CCDC142: variants seen among roughly 807,000 people sequenced by gnomAD.
CCDC142 encodes the protein coiled-coil domain-containing protein 142.
CCDC142 carries 67 observed loss-of-function variants against 83.8 expected under a neutral mutation model. That is an observed-to-expected ratio of 0.80 (90% confidence interval 0.66 to 0.98). CCDC142 has a LOEUF of 0.98. Ranked by LOEUF, CCDC142 falls within the 50% of genes least tolerant of loss-of-function variation. The pLI is 0.00. For missense variants in CCDC142, 905 were observed against 946.8 expected, an observed-to-expected ratio of 0.96 and a Z score of 0.58; for synonymous variants, 421 against 421.2, an observed-to-expected ratio of 1.00 and a Z score of 0.01.
Position 74,475,340 on chromosome 2 carries a change from A to C in CCDC142, c.1681T>G (p.Leu561Val), listed in dbSNP as rs770396602. The C allele has an allele frequency of 9.9e-6, 16 of 1,613,294 alleles. No homozygotes were observed. The highest frequency in any genetic ancestry group is 1.4e-5 in the Non-Finnish European group (16 of 1,179,454). ...GGTGGCAACCCTTGCAATCCTTGCA[A>C]CACAGGCTCCAGTACGGTGCGGACC... ...LVVRTVLEPV[L>V]QGLQGLPPQA... is the part of the protein sequence containing the mutation. The change falls in exon 7 of 9, where the codon TTG becomes GTG. Residue 561 changes from leucine (L) to valine (V), a missense_variant. Leu to Val is a conservative substitution (Grantham distance 32). Around this residue, in one of 3 missense-constraint regions of CCDC142, gnomAD observed 265 missense variants for 288.9 expected, o/e 0.92. Transcript: ENST00000393965.
At position 74,475,643 on chromosome 2, in the gene CCDC142, C is replaced by A. The variant is rs769197727; in HGVS notation, c.1587G>T (p.Arg529=). Residue 529 remains arginine (R), a synonymous_variant, in exon 6 of 9, where the codon CGG becomes CGT. Transcript: ENST00000393965. ...AMQGFKLYMP[R]GRYWRLRLCP... is the part of the protein sequence containing the mutation. ...AGAGACGAAGCCGCCAGTACCGACC[C>A]CGTGGCATGTAGAGCTTGAAACCTT... 15 of 1,614,056 alleles carry A rather than the reference C, an allele frequency of 9.3e-6. No homozygotes were observed. The South Asian group carries it at 1.6e-4, about 18-fold the overall frequency.
chr2:74,482,207 CG>C lies in CCDC142; in HGVS notation c.630del (p.Ala211ProfsTer10). The C allele has an allele frequency of 3.7e-6, 6 of 1,613,610 alleles. No homozygotes were observed. The highest frequency in any genetic ancestry group is 5.1e-6 in the Non-Finnish European group (6 of 1,179,932). Reference sequence around the variant, plus strand: ...GCTTTTCTCTGTAGTGTGTGGTAGGCGGGAAGTGCAAAGAGCAGCTCGGCGA... The same window carrying C: ...GCTTTTCTCTGTAGTGTGTGGTAGGCGGAAGTGCAAAGAGCAGCTCGGCGA... ...SQLAELLFAL[P>X]AYHTLQRKAL... On this transcript the variant is annotated frameshift_variant, in exon 1 of 9. Coordinates refer to ENST00000393965, the MANE Select transcript of CCDC142 (RefSeq NM_001365575.2). LOFTEE classifies it high-confidence loss of function. The surrounding 1 kb of genome is among the most constrained non-coding windows in gnomAD (Gnocchi z 5.0).
chr2:74,475,767 A>T, intron 5 of CCDC142, 41 bp from the exon 6 acceptor site: 1 of 1,235,050 alleles, frequency 8.1e-7, no homozygotes, highest in Non-Finnish European at 1.2e-6. Context: ...TTGTCAAATT[A>T]TGATGATCCT....
Position 74,482,907 on chromosome 2 carries a change from G to C in CCDC142, c.-70C>G. On this transcript the variant is annotated 5_prime_UTR_variant, in exon 1 of 9. Transcript: ENST00000393965. The surrounding 1 kb of genome is among the most constrained non-coding windows in gnomAD (Gnocchi z 5.0). Reference sequence around the variant, plus strand: ...CACGGACCAACGCCCGCCGCAGCTCGGACTTCGCCCCATCGCAAGAGCCGT... The same window carrying C: ...CACGGACCAACGCCCGCCGCAGCTCCGACTTCGCCCCATCGCAAGAGCCGT... 1 of 1,566,660 alleles carries C rather than the reference G, an allele frequency of 6.4e-7. No individual in the cohort carries two copies. Among genetic ancestry groups the C allele is most frequent in the Non-Finnish European group, 8.6e-7 (1 of 1,158,200 alleles).
chr2:74,482,038 C>G lies in CCDC142; in HGVS notation c.800G>C (p.Arg267Pro). ...TAGCAGATCCCCCTCCTCTTGGCAC[C>G]GCCTGCGGAGCTGGTCCCTCAACGC... ...GSALRDQLRR[R>P]CQEEGDLLPG... Residue 267 changes from arginine (R) to proline (P), a missense_variant, in exon 1 of 9, where the codon CGG becomes CCG. Arg to Pro is a moderately radical substitution (Grantham distance 103, BLOSUM62 -2). Transcript: ENST00000393965. This position sits in a 1 kb window ranked among gnomAD's most constrained non-coding sequence, Gnocchi z 5.0. 1.2e-6 allele frequency: 2 copies of G among 1,613,648 alleles called. No individual in the cohort carries two copies. Among genetic ancestry groups the G allele is most frequent in the Non-Finnish European group, 1.7e-6 (2 of 1,179,980 alleles).
At chr2:74,481,780 C>A in intron 1 of CCDC142, 37 bp downstream of exon 1, 1 of 1,580,864 alleles carries the variant, frequency 6.3e-7, no homozygotes, top group South Asian at 1.2e-5. Flanking sequence ...GAAGAGACCC[C>A]AGCCTTCCCA....
intron 5 of CCDC142, 45 bp downstream of exon 5, chr2:74,480,724 G>T: frequency 7.2e-7 from 1 of 1,398,112 alleles, no homozygotes; most frequent in Non-Finnish European, 1.0e-6. Flanking sequence ...ACTTGGCACA[G>T]AACATAGGGT....
rs763818173 is a variant in CCDC142 at position 74,475,108 on chromosome 2, C to T, written c.1804G>A (p.Gly602Arg). Reference protein sequence around the residue: ...LTHGIRFSLQGALQLKQDFGV... With the variant: ...LTHGIRFSLQRALQLKQDFGV... ...AAGTCTTGTTTGAGCTGCAGCGCTC[C>T]CTGCAGGCTGAAGGCAGAGGTACAG... The change falls in exon 8 of 9, where the codon GGA becomes AGA. Residue 602 changes from glycine to arginine, a missense_variant. Gly to Arg is a moderately radical substitution (Grantham distance 125, BLOSUM62 -2). Around this residue, in one of 3 missense-constraint regions of CCDC142, gnomAD observed 265 missense variants for 288.9 expected, o/e 0.92. Transcript: ENST00000393965. 6.8e-6 allele frequency: 11 copies of T among 1,610,398 alleles called. No homozygotes were observed. In the South Asian group the frequency reaches 9.9e-5, roughly 15 times the overall value.
rs13403485 is a variant in CCDC142, at chr2:74,473,063, A to T, written c.*1483T>A. 1 of 254,408 alleles carries T rather than the reference A, an allele frequency of 3.9e-6. No homozygotes were observed. The highest frequency in any genetic ancestry group is 2.3e-5 in the African/African-American group (1 of 43,446). The allele number at this position is 254,408 out of a possible 1,614,324, so 15.8% of individuals were successfully genotyped here. The stretch of plus-strand genomic sequence containing the variant: ...TCTTCCAAAGAGAGAGCACTAACAC[A>T]AGCCGGGATGATCCACACCAGAAGG... On this transcript the variant is annotated 3_prime_UTR_variant, in exon 9 of 9. Coordinates refer to ENST00000393965, the MANE Select transcript of CCDC142 (RefSeq NM_001365575.2).
rs1672427859 is a variant in CCDC142 at position 74,481,019 on chromosome 2, A to G, written c.1326T>C (p.Ala442=). ...GGTCCCATGCTGCCAAGTACTGCTG[A>G]GCTCTGCCCAGGAACCAGAGCAAGG... ...QTTLLWFLGR[A]QQYLAAWDPA... is the part of the protein sequence containing the mutation. The change falls in exon 4 of 9, where the codon GCT becomes GCC. Residue 442 remains alanine, a synonymous_variant. Transcript: ENST00000393965. 1 of 1,614,118 alleles carries G rather than the reference A, an allele frequency of 6.2e-7. No individual in the cohort carries two copies. Among genetic ancestry groups the G allele is most frequent in the Non-Finnish European group, 8.5e-7 (1 of 1,180,036 alleles).
At chr2:74,478,722 AT>A (rs1295375688) in intron 5 of CCDC142, among the ~76,000 whole-genome samples, 6 of 151,472 alleles carry the variant, frequency 4.0e-5, no homozygotes, top group South Asian at 2.1e-4. Context: ...AAAAAAAAAA[AT>A]TTTTTTAAGT....
chr2:74,476,774 A>T (rs531692095), intron 5 of CCDC142, among the ~76,000 whole-genome samples: 2 of 152,260 alleles, frequency 1.3e-5, no homozygotes, highest in South Asian at 4.1e-4. Context: ...AGGGAGAGGA[A>T]CCCCAGTAAA....
Position 74,481,546 on chromosome 2 carries a change from G to A in CCDC142, c.1022-8C>T, listed in dbSNP as rs778578975. On this transcript the variant is annotated splice_polypyrimidine_tract_variant and splice_region_variant and intron_variant, in intron 1 of 8. Coordinates refer to ENST00000393965, the MANE Select transcript of CCDC142 (RefSeq NM_001365575.2). ...ACTCCTGAGGCAGGGATGCTAGTGGGAGAAATGACTCTGGGGCCTGAAAAC... is the reference window on the plus strand; with the variant it reads ...ACTCCTGAGGCAGGGATGCTAGTGGAAGAAATGACTCTGGGGCCTGAAAAC... 1 of 1,613,606 alleles carries A rather than the reference G, an allele frequency of 6.2e-7. No individual in the cohort carries two copies. The highest frequency in any genetic ancestry group is 8.5e-7 in the Non-Finnish European group (1 of 1,179,548).
At chr2:74,481,763 G>A (rs567887017) in intron 1 of CCDC142, 54 bp downstream of exon 1, 6 of 1,557,796 alleles carry the variant, frequency 3.9e-6, no homozygotes, top group East Asian at 4.5e-5. Context: ...AGTTGGCCAA[G>A]GGGAAGGAAG....
chr2:74,482,292 G>C lies in CCDC142; in HGVS notation c.546C>G (p.Ile182Met), dbSNP rs370752807. 41 of 1,612,232 alleles carry C rather than the reference G, an allele frequency of 2.5e-5. No homozygotes were observed. In the African/African-American group the frequency reaches 3.3e-4, roughly 13 times the overall value. The change falls in exon 1 of 9, where the codon ATC becomes ATG. Residue 182 changes from isoleucine (I) to methionine (M), a missense_variant. This residue lies in a region of CCDC142 where 591 missense variants were observed against 571.4 expected (regional missense o/e 1.03). Coordinates refer to ENST00000393965, the MANE Select transcript of CCDC142 (RefSeq NM_001365575.2). The surrounding 1 kb of genome is among the most constrained non-coding windows in gnomAD (Gnocchi z 5.0). ...GLAAQCLEAV[I>M]EMQLRALGRE... Reference sequence around the variant, plus strand: ...GGCCGAGAGCGCGAAGCTGCATCTCGATGACAGCCTCCAGGCACTGGGCGG... The same window carrying C: ...GGCCGAGAGCGCGAAGCTGCATCTCCATGACAGCCTCCAGGCACTGGGCGG...
intron 6 of CCDC142, 66 bp from the exon 7 acceptor site, chr2:74,475,468 G>A: frequency 2.0e-6 from 3 of 1,514,264 alleles, no homozygotes; most frequent in Non-Finnish European, 2.7e-6. Context: ...GAGTGTTTGG[G>A]AGAAGAGGGT....
In CCDC142 at chr2:74,474,740, A is replaced by G. The variant is rs1335475427; in HGVS notation, c.2059T>C (p.Leu687=). 6.2e-7 allele frequency: 1 copy of G among 1,614,152 alleles called. No homozygotes were observed. Among genetic ancestry groups the G allele is most frequent in the African/African-American group, 1.3e-5 (1 of 75,066 alleles). Residue 687 remains leucine (L), a synonymous_variant, in exon 9 of 9, where the codon TTG becomes CTG. Coordinates refer to ENST00000393965, the MANE Select transcript of CCDC142 (RefSeq NM_001365575.2). ...GTTCCAGGCTGGAGCGGGGGCTCCAAGCTCTCCAGGCTATTGAGGCAGCTG... is the reference window on the plus strand; with the variant it reads ...GTTCCAGGCTGGAGCGGGGGCTCCAGGCTCTCCAGGCTATTGAGGCAGCTG... The part of the protein sequence containing the change: ...PSSCLNSLES[L]EPPLQPGTSP...
At chr2:74,475,501 C>T (rs945345562) in intron 6 of CCDC142, 99 bp from the exon 7 acceptor site, 5 of 1,468,716 alleles carry the variant, frequency 3.4e-6, no homozygotes, top group Non-Finnish European at 4.6e-6. Context: ...GGGAAGGGTA[C>T]AGAAGCTGAG....
intron 6 of CCDC142, 96 bp from the exon 7 acceptor site, chr2:74,475,498 G>T: frequency 6.8e-7 from 1 of 1,468,644 alleles, no homozygotes; most frequent in Non-Finnish European, 9.3e-7. Flanking sequence ...GGAGGGAAGG[G>T]TACAGAAGCT....
Sources: gnomAD v4.1 joint callset for allele counts (sites outside exome capture counted in the v4.1 genomes callset) on GRCh38, gnomAD v4.1.1 for gene constraint, gnomAD v4.1.1 regional missense constraint, Gnocchi (gnomAD v3.1) non-coding constraint, MANE v1.5 for transcripts, NCBI Gene and HGNC (gene_info 2026-07-23, HGNC 2026-07-21) for gene names.